The following MAGI3 variants were observed in gnomAD, a reference collection of about 807,000 sequenced individuals.
MAGI3 encodes membrane associated guanylate kinase, WW and PDZ domain containing 3.
Under a neutral mutation model 121.8 loss-of-function variants are expected in MAGI3, and 43 were observed. The ratio of observed to expected loss-of-function variants is 0.35; its 90% CI spans 0.28 to 0.46. The LOEUF (loss-of-function observed/expected upper bound fraction) is 0.46, where lower values mean the gene tolerates loss of function less well. Among genes scored for constraint, MAGI3 ranks in the 20% least tolerant of loss-of-function variants. The pLI is 1.00. For missense variants in MAGI3, 1,547 were observed against 1,797.3 expected (o/e 0.86, Z 2.52); for synonymous variants, 553 against 639.3 (o/e 0.86, Z 2.04).
At chr1:113,468,006 G>T (rs1316143265) in intron 1 of MAGI3, among the ~76,000 whole-genome samples, 2 of 152,110 alleles carry the variant, frequency 1.3e-5, no homozygotes, top group Non-Finnish European at 2.9e-5. Context: ...TCTTTGATTT[G>T]TAGTTTATTG....
Position 113,682,984 on chromosome 1 carries a change from T to C in MAGI3, c.3416T>C (p.Ile1139Thr). ...PLPPSSHFAS[I>T]FEESHVPVIE... ...CCCCCATCTTCACATTTTGCTTCCATATTTGAAGAGTCTCACGTGCCAGTA... is the reference window on the plus strand; with the variant it reads ...CCCCCATCTTCACATTTTGCTTCCACATTTGAAGAGTCTCACGTGCCAGTA... The change falls in exon 21 of 21, where the codon ATA becomes ACA. Residue 1139 changes from isoleucine (I) to threonine (T), a missense_variant. Physicochemically the swap from Ile to Thr is moderately conservative, Grantham distance 89 (BLOSUM62 -1). Coordinates refer to ENST00000307546, the MANE Select transcript of MAGI3 (RefSeq NM_001142782.2). 3 of 1,613,842 alleles carry C rather than the reference T, an allele frequency of 1.9e-6. No individual in the cohort carries two copies. The highest frequency in any genetic ancestry group is 1.1e-5 in the South Asian group (1 of 91,020).
chr1:113,643,389 C>G (rs941202310), intron 10 of MAGI3, among the ~76,000 whole-genome samples: 2 of 152,054 alleles, frequency 1.3e-5, no homozygotes, highest in African/African-American at 4.8e-5. Context: ...AGGTAGAAAT[C>G]TCTTTGTGAG....
chr1:113,412,909 T>C (rs537804951), intron 1 of MAGI3, among the ~76,000 whole-genome samples: 1 of 152,312 alleles, frequency 6.6e-6, no homozygotes, highest in South Asian at 2.1e-4. Flanking sequence ...ATTTTGGCTT[T>C]TGTTGCCGTT....
At chr1:113,455,767 A>T (rs1230063818) in intron 1 of MAGI3, among the ~76,000 whole-genome samples, 2 of 152,090 alleles carry the variant, frequency 1.3e-5, no homozygotes, top group African/African-American at 4.8e-5. Flanking sequence ...TTCATACTTA[A>T]CACTATTAAC....
intron 2 of MAGI3, among the ~76,000 whole-genome samples, chr1:113,576,573 G>A (rs1647659793): frequency 1.3e-5 from 2 of 152,162 alleles, no homozygotes; most frequent in African/African-American, 4.8e-5. Flanking sequence ...TGGTGTTGCT[G>A]GGAGCTGCAG....
intron 12 of MAGI3, among the ~76,000 whole-genome samples, chr1:113,648,502 C>G (rs904495373): frequency 4.0e-5 from 6 of 151,176 alleles, no homozygotes; most frequent in African/African-American, 1.5e-4. Flanking sequence ...ACCTCTGCCT[C>G]CCAGGTTCAA....
chr1:113,512,658 C>T (rs1657675671), intron 1 of MAGI3, among the ~76,000 whole-genome samples: 1 of 152,160 alleles, frequency 6.6e-6, no homozygotes, highest in Non-Finnish European at 1.5e-5. Flanking sequence ...GACAAACCCA[C>T]AACCAATATC....
chr1:113,685,056 T>TA lies in MAGI3; in HGVS notation c.*1047dup, dbSNP rs1487538878. On this transcript the variant is annotated 3_prime_UTR_variant, in exon 21 of 21. Coordinates refer to ENST00000307546, the MANE Select transcript of MAGI3 (RefSeq NM_001142782.2). ...TAGCAGGTGCACAAGCTTGGGTGTT[T>TA]AAAAACAACCTGTGTAGGGTATGCC... 6.6e-6 allele frequency: 1 copy of TA among 152,368 alleles called. No individual in the cohort carries two copies. Among genetic ancestry groups the TA allele is most frequent in the Non-Finnish European group, 1.5e-5 (1 of 68,032 alleles). The allele number at this position is 152,368 out of a possible 1,614,324, so 9.4% of individuals were successfully genotyped here.
intron 2 of MAGI3, among the ~76,000 whole-genome samples, chr1:113,554,398 T>A (rs1659904128): frequency 6.6e-6 from 1 of 151,044 alleles, no homozygotes; most frequent in African/African-American, 2.4e-5. Context: ...CACGTAGCAA[T>A]ATAAACTAAT....
intron 1 of MAGI3, among the ~76,000 whole-genome samples, chr1:113,523,535 T>C (rs1032068403): frequency 2.9e-4 from 44 of 152,290 alleles, no homozygotes; most frequent in South Asian, 1.9e-3. Flanking sequence ...AAGGTGACTC[T>C]TGTTATGTTT....
chr1:113,490,292 A>G (rs1341309505), intron 1 of MAGI3, among the ~76,000 whole-genome samples: 1 of 152,230 alleles, frequency 6.6e-6, no homozygotes. Context: ...ACTAAGCTTC[A>G]TAAGTGAAAG....
intron 9 of MAGI3, among the ~76,000 whole-genome samples, chr1:113,633,651 T>C (rs1651810936): frequency 2.0e-5 from 3 of 152,278 alleles, no homozygotes; most frequent in African/African-American, 7.2e-5. Context: ...GACATTTGGG[T>C]TGGTTCCAAG....
chr1:113,459,103 A>G (rs887161519), intron 1 of MAGI3, among the ~76,000 whole-genome samples: 1 of 152,122 alleles, frequency 6.6e-6, no homozygotes, highest in African/African-American at 2.4e-5. Flanking sequence ...ATCTCTTAAT[A>G]TGTTCTGGGT....
At chr1:113,568,359 A>G (rs1164876760) in intron 2 of MAGI3, among the ~76,000 whole-genome samples, 1 of 152,112 alleles carries the variant, frequency 6.6e-6, no homozygotes, top group East Asian at 1.9e-4. Flanking sequence ...GAAGATCTAA[A>G]TATGCTGACA....
intron 2 of MAGI3, among the ~76,000 whole-genome samples, chr1:113,556,163 TC>T (rs1266267897): frequency 6.6e-6 from 1 of 151,948 alleles, no homozygotes; most frequent in African/African-American, 2.4e-5. Context: ...ACCTTGAGAA[TC>T]TTAAAAAGAA....
intron 1 of MAGI3, among the ~76,000 whole-genome samples, chr1:113,463,951 G>C (rs1377330537): frequency 2.0e-5 from 3 of 152,056 alleles, no homozygotes; most frequent in African/African-American, 7.2e-5. Flanking sequence ...GATCAAATCA[G>C]TGTTCTTGGG....
In MAGI3 at chr1:113,642,040, C is replaced by T. The variant is rs992550133; in HGVS notation, c.1490C>T (p.Pro497Leu). ...NLTLCRGYPLPDDSEDPVVDI... is the reference protein window; with the variant it reads ...NLTLCRGYPLLDDSEDPVVDI... Reference sequence around the variant, plus strand: ...ACTTTATGTCGTGGTTATCCACTTCCTGATGACAGTGAAGATCCTGTTGTG... The same window carrying T: ...ACTTTATGTCGTGGTTATCCACTTCTTGATGACAGTGAAGATCCTGTTGTG... Residue 497 changes from proline (P) to leucine (L), a missense_variant, in exon 10 of 21, where the codon CCT becomes CTT. Physicochemically the swap from Pro to Leu is moderately conservative, Grantham distance 98. Transcript: ENST00000307546. The T allele has an allele frequency of 1.2e-5, 20 of 1,614,172 alleles. No homozygotes were observed. Among genetic ancestry groups the T allele is most frequent in the Non-Finnish European group, 1.7e-5 (20 of 1,180,034 alleles).
chr1:113,560,410 A>C (rs763223798), intron 2 of MAGI3, among the ~76,000 whole-genome samples: 1 of 132,820 alleles, frequency 7.5e-6, no homozygotes, highest in Admixed American at 7.2e-5. Flanking sequence ...CAAACAAAAA[A>C]AACCAAAAAA....
At chr1:113,521,778 AAAAG>A (rs1658213485) in intron 1 of MAGI3, among the ~76,000 whole-genome samples, 1 of 152,202 alleles carries the variant, frequency 6.6e-6, no homozygotes, top group South Asian at 2.1e-4. Context: ...GCTTTATACA[AAAAG>A]AAATCAATTA....
Sources: gnomAD v4.1 joint callset for allele counts (sites outside exome capture counted in the v4.1 genomes callset) on GRCh38, gnomAD v4.1.1 for gene constraint, MANE v1.5 for transcripts, NCBI Gene and HGNC (gene_info 2026-07-23, HGNC 2026-07-21) for gene names.